Variants in ARHGAP32 observed in about 807,000 individuals in gnomAD.
The protein encoded by ARHGAP32 is Rho GTPase activating protein 32.
Under a neutral mutation model 186.5 loss-of-function variants are expected in ARHGAP32, and 51 were observed. The ratio of observed to expected loss-of-function variants is 0.27; its 90% confidence interval spans 0.22 to 0.35. ARHGAP32 has a LOEUF of 0.35. ARHGAP32 is among the 10% of genes least tolerant of loss of function. ARHGAP32 has a pLI of 1.00. For missense variants in ARHGAP32, 2,186 were observed against 2,623.5 expected, an observed-to-expected ratio of 0.83 and a Z score of 3.64; for synonymous variants, 950 against 964.3, an observed-to-expected ratio of 0.99 and a Z score of 0.27.
At chr11:129,237,552 C>T (rs923354998) in intron 1 of ARHGAP32, among the ~76,000 whole-genome samples, 5 of 152,162 alleles carry the variant, frequency 3.3e-5, no homozygotes, top group African/African-American at 1.2e-4. Context: ...AGAACTCCTT[C>T]CTCTGTGAGG....
At chr11:129,195,387 T>A (rs1288181273), upstream of ARHGAP32, among the ~76,000 whole-genome samples, 2 of 152,192 alleles carry the variant, frequency 1.3e-5, no homozygotes, top group Non-Finnish European at 2.9e-5. Flanking sequence ...AGTGAAAACG[T>A]GAACTGTGAG....
At chr11:129,092,096 C>T (rs1239161990) in intron 6 of ARHGAP32, among the ~76,000 whole-genome samples, 1 of 151,904 alleles carries the variant, frequency 6.6e-6, no homozygotes, top group Non-Finnish European at 1.5e-5. Context: ...GATACTTATA[C>T]CAGGAAACGA....
At chr11:129,196,874 C>T (rs540900989), upstream of ARHGAP32, among the ~76,000 whole-genome samples, 9 of 152,088 alleles carry the variant, frequency 5.9e-5, no homozygotes, top group South Asian at 4.1e-4. Flanking sequence ...CTGTCCAACA[C>T]GGTGAAAACC....
intron 11 of ARHGAP32, among the ~76,000 whole-genome samples, chr11:129,000,488 A>C (rs1274525040): frequency 6.6e-6 from 1 of 152,156 alleles, no homozygotes; most frequent in Non-Finnish European, 1.5e-5. Context: ...CATTTAAAAA[A>C]ATTTTCATGG....
intron 1 of ARHGAP32, among the ~76,000 whole-genome samples, chr11:129,199,128 T>C (rs578242282): frequency 6.6e-6 from 1 of 152,330 alleles, no homozygotes; most frequent in South Asian, 2.1e-4. Context: ...GCATTCAAGA[T>C]GTGACTGGGT....
At chr11:129,184,737 G>C (rs1404466773) in intron 1 of ARHGAP32, among the ~76,000 whole-genome samples, 1 of 151,942 alleles carries the variant, frequency 6.6e-6, no homozygotes, top group African/African-American at 2.4e-5. Context: ...TAAAGAACGG[G>C]TAACAAAATA....
intron 5 of ARHGAP32, among the ~76,000 whole-genome samples, chr11:129,104,532 AG>A (rs372567106): frequency 2.0e-5 from 3 of 152,118 alleles, no homozygotes; most frequent in African/African-American, 7.2e-5. Flanking sequence ...CCAAACCAAA[AG>A]GAAGAGGATA....
intron 5 of ARHGAP32, among the ~76,000 whole-genome samples, chr11:129,117,052 A>G (rs1490870940): frequency 6.6e-6 from 1 of 152,044 alleles, no homozygotes; most frequent in East Asian, 1.9e-4. Flanking sequence ...ACACTGCAGT[A>G]TTATGTATCA....
intron 1 of ARHGAP32, among the ~76,000 whole-genome samples, chr11:129,251,698 G>C (rs1196196235): frequency 2.6e-5 from 4 of 152,080 alleles, no homozygotes; most frequent in African/African-American, 7.2e-5. Context: ...GGCCGAGGTG[G>C]GGGGATCACC....
intron 2 of ARHGAP32, among the ~76,000 whole-genome samples, chr11:129,152,926 A>G (rs548813704): frequency 2.7e-3 from 410 of 152,288 alleles, no homozygotes; most frequent in African/African-American, 9.3e-3. Flanking sequence ...TGTCCAAATC[A>G]GTAAAGAGGA....
At chr11:129,024,090 G>A in intron 11 of ARHGAP32, 2 of 985,462 alleles carry the variant, frequency 2.0e-6, no homozygotes, top group South Asian at 4.7e-5. Context: ...CAGTTTTCTT[G>A]GCCCTGTTTT....
chr11:129,096,537 C>T (rs898529207), intron 5 of ARHGAP32, among the ~76,000 whole-genome samples: 7 of 152,106 alleles, frequency 4.6e-5, no homozygotes, highest in South Asian at 2.1e-4. Flanking sequence ...GGCCCCGCCC[C>T]GCCCCTGCCA....
intron 11 of ARHGAP32, among the ~76,000 whole-genome samples, chr11:129,009,963 C>T (rs1937991588): frequency 6.6e-6 from 1 of 152,190 alleles, no homozygotes. Context: ...TTTTTCTCTG[C>T]AACCTTGTCA....
In ARHGAP32 at chr11:128,971,036, G is replaced by T; in HGVS notation, c.4177C>A (p.Gln1393Lys). The T allele has an allele frequency of 6.2e-7, 1 of 1,614,016 alleles. No individual in the cohort carries two copies. Among genetic ancestry groups the T allele is most frequent in the Non-Finnish European group, 8.5e-7 (1 of 1,180,032 alleles). The stretch of plus-strand genomic sequence containing the variant: ...CGCACTTTCTCAGGCAGGCCTGGCT[G>T]GACAGCTGTAGCCATGGGACACTGA... ...AAQCPMATAV[Q>K]PGLPEKVRDG... Residue 1393 changes from glutamine to lysine, a missense_variant, in exon 23 of 23, where the codon CAG (glutamine) becomes AAG (lysine). By Grantham distance (53) the Gln-to-Lys change is moderately conservative. Coordinates refer to ENST00000682385, the MANE Select transcript of ARHGAP32 (RefSeq NM_001378024.1).
chr11:129,252,399 A>C (rs1190647850), intron 1 of ARHGAP32, among the ~76,000 whole-genome samples: 1 of 152,236 alleles, frequency 6.6e-6, no homozygotes, highest in East Asian at 1.9e-4. Context: ...TTAACAGTTT[A>C]TCTGGCAACT....
intron 2 of ARHGAP32, among the ~76,000 whole-genome samples, chr11:129,149,239 A>C (rs557247433): frequency 6.6e-6 from 1 of 152,342 alleles, no homozygotes; most frequent in South Asian, 2.1e-4. Flanking sequence ...AGGAAGAAGA[A>C]GACAATAGCT....
intron 12 of ARHGAP32, among the ~76,000 whole-genome samples, chr11:128,994,313 C>A (rs1287501779): frequency 2.0e-5 from 3 of 152,038 alleles, no homozygotes; most frequent in Non-Finnish European, 2.9e-5. Context: ...CACCACCACA[C>A]CCGGCCACTT....
chr11:129,260,529 GA>G (rs1272270020), intron 1 of ARHGAP32, among the ~76,000 whole-genome samples: 1 of 151,994 alleles, frequency 6.6e-6, no homozygotes, highest in African/African-American at 2.4e-5. Context: ...TTTTCAAATA[GA>G]AAAAAGTCTT....
chr11:129,122,178 G>C (rs973316989), intron 5 of ARHGAP32, among the ~76,000 whole-genome samples: 1 of 151,842 alleles, frequency 6.6e-6, no homozygotes, highest in African/African-American at 2.4e-5. Flanking sequence ...TTTTAAATCA[G>C]ATGCTTTAGA....
Sources: allele counts gnomAD v4.1 joint callset (sites outside exome capture counted in the v4.1 genomes callset), GRCh38; gene constraint gnomAD v4.1.1; transcripts MANE v1.5; gene names NCBI Gene and HGNC (gene_info 2026-07-23, HGNC 2026-07-21).